EXT1: variants seen among roughly 807,000 people sequenced by gnomAD.
EXT1 encodes exostosin glycosyltransferase 1.
EXT1 carries 20 observed loss-of-function variants against 82.5 expected under a neutral mutation model. The observed-to-expected ratio is 0.24, with a 90% CI of 0.17 to 0.35. The LOEUF (loss-of-function observed/expected upper bound fraction) is 0.35, where lower values mean the gene tolerates loss of function less well. Ranked by LOEUF, EXT1 falls within the 10% of genes least tolerant of loss-of-function variation. EXT1 has a pLI of 1.00. For synonymous variants in EXT1, 348 were observed against 350.8 expected (o/e 0.99, Z 0.09); for missense variants, 757 against 936.5 (o/e 0.81, Z 2.50).
At chr8:117,871,672 T>C (rs1262621700) in intron 1 of EXT1, among the ~76,000 whole-genome samples, 1 of 152,102 alleles carries the variant, frequency 6.6e-6, no homozygotes, top group Non-Finnish European at 1.5e-5. Flanking sequence ...TGAGTTACCA[T>C]GGTCAGGTTA....
chr8:118,093,263 C>A (rs1817553529), intron 1 of EXT1, among the ~76,000 whole-genome samples: 1 of 101,732 alleles, frequency 9.8e-6, no homozygotes. Context: ...CAGAAAAATT[C>A]CCAGCAAAAA....
intron 1 of EXT1, among the ~76,000 whole-genome samples, chr8:118,054,381 T>C (rs1267418074): frequency 6.6e-6 from 1 of 152,180 alleles, no homozygotes; most frequent in Non-Finnish European, 1.5e-5. Flanking sequence ...GTAACTCCTA[T>C]ACAGTCTTCC....
At chr8:117,993,503 A>C (rs1815476317) in intron 1 of EXT1, among the ~76,000 whole-genome samples, 1 of 152,362 alleles carries the variant, frequency 6.6e-6, no homozygotes, top group South Asian at 2.1e-4. Context: ...CAGAAAAGGG[A>C]TATGTTAATT....
At chr8:117,969,345 C>G (rs189552359) in intron 1 of EXT1, among the ~76,000 whole-genome samples, 18 of 152,342 alleles carry the variant, frequency 1.2e-4, no homozygotes, top group Non-Finnish European at 4.4e-5. Context: ...CCAGGGCAAT[C>G]TCTTCCACCA....
intron 1 of EXT1, among the ~76,000 whole-genome samples, chr8:117,882,332 C>T (rs571267168): frequency 6.6e-6 from 1 of 152,318 alleles, no homozygotes; most frequent in South Asian, 2.1e-4. Context: ...ATCCGCCCGC[C>T]TTGGCCTCCC....
intron 1 of EXT1, among the ~76,000 whole-genome samples, chr8:117,960,649 A>C (rs940335946): frequency 6.6e-6 from 1 of 152,244 alleles, no homozygotes; most frequent in African/African-American, 2.4e-5. Context: ...TGTTGTAATC[A>C]GTGCATAAAA....
intron 1 of EXT1, among the ~76,000 whole-genome samples, chr8:118,033,079 T>C (rs945064382): frequency 2.6e-5 from 4 of 152,208 alleles, no homozygotes; most frequent in Non-Finnish European, 4.4e-5. Context: ...TTTATGCCCA[T>C]TGCAATGCGC....
At chr8:117,815,736 G>C (rs2129728769) in intron 7 of EXT1, among the ~76,000 whole-genome samples, 1 of 152,216 alleles carries the variant, frequency 6.6e-6, no homozygotes, top group African/African-American at 2.4e-5. Context: ...TTCGAGACCA[G>C]CCTGACTAAC....
intron 4 of EXT1, among the ~76,000 whole-genome samples, chr8:117,828,119 T>C (rs1341125938): frequency 6.6e-6 from 1 of 152,144 alleles, no homozygotes; most frequent in East Asian, 1.9e-4. Flanking sequence ...AGACTCCTTT[T>C]TAAAATTAAA....
In EXT1 at chr8:117,960,197, C is replaced by A. The variant is rs147959234; in HGVS notation, c.963-122996G>T. Among the ~76,000 whole-genome samples the A allele has an allele frequency of 6.9e-3, 1,054 of 151,904 alleles. 15 individuals carry two copies. Among genetic ancestry groups the A allele is most frequent in the African/African-American group, 0.024 (994 of 41,428 alleles). On this transcript the variant is annotated intron_variant, in intron 1 of 10. Coordinates refer to ENST00000378204, the MANE Select transcript of EXT1 (RefSeq NM_000127.3). ...CTGCACTCCAGCCTGGGTGACAGAG[C>A]GAGACTCCATCTCAAAAATAAATAC...
intron 1 of EXT1, among the ~76,000 whole-genome samples, chr8:117,909,194 T>C (rs933893673): frequency 4.6e-5 from 7 of 151,924 alleles, no homozygotes; most frequent in Admixed American, 3.9e-4. Flanking sequence ...AAAAGAACAA[T>C]AATTGCAACC....
At chr8:117,962,965 AG>A (rs1814732693) in intron 1 of EXT1, among the ~76,000 whole-genome samples, 1 of 152,114 alleles carries the variant, frequency 6.6e-6, no homozygotes, top group Non-Finnish European at 1.5e-5. Flanking sequence ...ATGACCCTCT[AG>A]GGCAGATGCA....
rs542450892 is a variant in EXT1 at position 118,027,454 on chromosome 8, G to A, written c.962+82631C>T. 5.9e-5 allele frequency among the ~76,000 whole-genome samples: 9 copies of A among 152,194 alleles called. No individual in the cohort carries two copies. The East Asian group carries it at 1.7e-3, about 29-fold the overall frequency. On this transcript the variant is annotated intron_variant, in intron 1 of 10. Transcript: ENST00000378204. ...TGAATTTAACAGATCTGGCTCAAGG[G>A]CATTCCCCTAAATGGCAGAGCCAGA...
At chr8:117,980,187 C>T (rs560103454) in intron 1 of EXT1, among the ~76,000 whole-genome samples, 3 of 152,228 alleles carry the variant, frequency 2.0e-5, no homozygotes, top group South Asian at 2.1e-4. Context: ...CTCACATGCC[C>T]ATTCCCATTT....
chr8:118,059,314 T>G (rs1266111257), intron 1 of EXT1, among the ~76,000 whole-genome samples: 3 of 152,172 alleles, frequency 2.0e-5, no homozygotes, highest in East Asian at 1.9e-4. Context: ...TGGAATACCC[T>G]TCCCGCTATG....
rs1256823824 is a variant in EXT1 at position 117,796,671 on chromosome 8, CATCT to C, written c.*3037_*3040del. 1 of 151,800 alleles carries C rather than the reference CATCT, an allele frequency of 6.6e-6. No individual in the cohort carries two copies. The highest frequency in any genetic ancestry group is 1.5e-5 in the Non-Finnish European group (1 of 67,894). 9.4% of individuals were successfully genotyped at this position (151,800 alleles called of 1,614,324 possible). On this transcript the variant is annotated 3_prime_UTR_variant, in exon 11 of 11. Coordinates refer to ENST00000378204, the MANE Select transcript of EXT1 (RefSeq NM_000127.3). ...ACAAGCTTTCCCTTTTTTTTTGAAG[CATCT>C]ATCTGAAAGTGTGTTGATACGACCA...
At chr8:117,814,665 CT>C (rs1358720250) in intron 7 of EXT1, among the ~76,000 whole-genome samples, 6 of 152,150 alleles carry the variant, frequency 3.9e-5, no homozygotes, top group African/African-American at 1.4e-4. Flanking sequence ...TCATCACCTT[CT>C]TCCAGAAGTT....
chr8:117,902,549 T>C lies in EXT1; in HGVS notation c.963-65348A>G, dbSNP rs144944154. ...AAGATCTTATAAGCCCAGCATCTTC[T>C]ATGACGTCATTGTTGACTTGGCCAT... On this transcript the variant is annotated intron_variant, in intron 1 of 10. Transcript: ENST00000378204. Among the ~76,000 whole-genome samples, 52 of 151,356 alleles carry C rather than the reference T, an allele frequency of 3.4e-4. 1 individual carries two copies. The highest frequency in any genetic ancestry group is 1.1e-3 in the African/African-American group (47 of 41,168).
At chr8:117,993,040 T>A (rs899846951) in intron 1 of EXT1, among the ~76,000 whole-genome samples, 1 of 152,240 alleles carries the variant, frequency 6.6e-6, no homozygotes, top group Non-Finnish European at 1.5e-5. Flanking sequence ...TTACATTCAT[T>A]CTTTGAGAGG....
Sources: gnomAD v4.1 joint callset for allele counts (sites outside exome capture counted in the v4.1 genomes callset) on GRCh38, gnomAD v4.1.1 for gene constraint, MANE v1.5 for transcripts, NCBI Gene and HGNC (gene_info 2026-07-23, HGNC 2026-07-21) for gene names.